Variants in NAV3 observed in about 807,000 individuals in gnomAD.
The protein encoded by NAV3 is neuron navigator 3, also known as pore membrane and/or filament interacting like protein 1.
In NAV3, 87 loss-of-function variants were observed where a neutral mutation model predicts 244.7. The observed-to-expected ratio is 0.36, with a 90% confidence interval of 0.30 to 0.42. NAV3 has a LOEUF of 0.42. Among genes scored for constraint, NAV3 ranks in the 20% least tolerant of loss-of-function variants. The pLI, the probability that NAV3 is intolerant of heterozygous loss-of-function variation, is 1.00. For synonymous variants in NAV3, 1,126 were observed against 1,042.2 expected (o/e 1.08, Z -1.55); for missense variants, 2,663 against 2,893.3 (o/e 0.92, Z 1.83).
chr12:78,050,972 T>A lies in NAV3; in HGVS notation c.2341T>A (p.Tyr781Asn), dbSNP rs1255684194. ...CCACACAGACCCCTCGAGGTTCATGTATACCACGCCTCTCCGTCGAGCTGC... is the reference window on the plus strand; with the variant it reads ...CCACACAGACCCCTCGAGGTTCATGAATACCACGCCTCTCCGTCGAGCTGC... ...FIHTDPSRFM[Y>N]TTPLRRAAVS... Residue 781 changes from tyrosine (Y) to asparagine (N), a missense_variant, in exon 11 of 40, where the codon TAT becomes AAT. Coordinates refer to ENST00000397909, the MANE Select transcript of NAV3 (RefSeq NM_001024383.2). The A allele has an allele frequency of 1.9e-6, 3 of 1,614,128 alleles. No individual in the cohort carries two copies. Among genetic ancestry groups the A allele is most frequent in the Non-Finnish European group, 2.5e-6 (3 of 1,180,032 alleles).
intron 1 of NAV3, among the ~76,000 whole-genome samples, chr12:77,854,454 G>A (rs1312156308): frequency 6.6e-6 from 1 of 152,162 alleles, no homozygotes; most frequent in African/African-American, 2.4e-5. Flanking sequence ...AAAACTTGCT[G>A]ATCATTAGAA....
At chr12:77,804,993 C>T (rs1188056747) in intron 2 of NAV3, among the ~76,000 whole-genome samples, 7 of 152,026 alleles carry the variant, frequency 4.6e-5, no homozygotes, top group East Asian at 3.9e-4. Flanking sequence ...TGTATAGAAA[C>T]GCTTCTGATT....
rs994889286 is a variant in NAV3, at chr12:77,867,570, CCA to C, written c.243+35868_243+35869del. On this transcript the variant is annotated intron_variant, in intron 1 of 39. Transcript: ENST00000397909. ...AAGTAGCTGGGACTACAAGCGCCCG[CCA>C]CCACGCCCGGCTAATTTTTTTGCAT... Among the ~76,000 whole-genome samples, 240 of 152,212 alleles carry C rather than the reference CCA, an allele frequency of 1.6e-3. 1 individual carries two copies. The highest frequency in any genetic ancestry group is 5.5e-3 in the African/African-American group (228 of 41,538).
intron 20 of NAV3, among the ~76,000 whole-genome samples, chr12:78,145,809 C>A (rs1460854674): frequency 3.3e-5 from 5 of 152,046 alleles, no homozygotes; most frequent in African/African-American, 9.7e-5. Context: ...TATTAATAAT[C>A]ATTAAAGAAA....
At chr12:77,936,452 G>A (rs1198264010) in intron 1 of NAV3, among the ~76,000 whole-genome samples, 1 of 152,082 alleles carries the variant, frequency 6.6e-6, no homozygotes, top group African/African-American at 2.4e-5. Context: ...CGTATTGGAA[G>A]CTTTAGCCAG....
intron 2 of NAV3, among the ~76,000 whole-genome samples, chr12:77,806,346 A>G (rs1304781323): frequency 1.3e-5 from 2 of 152,176 alleles, no homozygotes; most frequent in Non-Finnish European, 2.9e-5. Context: ...GCTATGTCCC[A>G]GAGATTCTAG....
chr12:78,135,298 A>T (rs545449998), intron 18 of NAV3, among the ~76,000 whole-genome samples: 4 of 152,310 alleles, frequency 2.6e-5, no homozygotes, highest in Admixed American at 2.0e-4. Flanking sequence ...CTAAAAGCAG[A>T]TCTGTCATAG....
At chr12:78,124,774 ATG>A (rs1325070470) in intron 16 of NAV3, among the ~76,000 whole-genome samples, 1 of 152,164 alleles carries the variant, frequency 6.6e-6, no homozygotes, top group Non-Finnish European at 1.5e-5. Context: ...AATTTTTAAA[ATG>A]GGAGTATTCC....
At chr12:77,836,851 G>A (rs1248043992) in intron 1 of NAV3, among the ~76,000 whole-genome samples, 1 of 152,140 alleles carries the variant, frequency 6.6e-6, no homozygotes. Context: ...TCAAAGAGTA[G>A]AGGCGTTTAT....
chr12:78,107,975 T>C (rs1954892519), intron 12 of NAV3, among the ~76,000 whole-genome samples: 1 of 152,146 alleles, frequency 6.6e-6, no homozygotes, highest in Admixed American at 6.5e-5. Flanking sequence ...GTAATCACTT[T>C]GAATGTAAAT....
At chr12:77,918,678 T>C (rs1052118430) in intron 1 of NAV3, among the ~76,000 whole-genome samples, 4 of 152,038 alleles carry the variant, frequency 2.6e-5, no homozygotes, top group African/African-American at 7.2e-5. Flanking sequence ...TGGTTTATGA[T>C]AGTCTCATTT....
chr12:78,073,710 C>A (rs1952898674), intron 12 of NAV3, among the ~76,000 whole-genome samples: 1 of 152,064 alleles, frequency 6.6e-6, no homozygotes, highest in East Asian at 1.9e-4. Flanking sequence ...CATATGGAAC[C>A]AAAAAAGAGC....
At chr12:77,887,971 G>A (rs1218977045) in intron 1 of NAV3, among the ~76,000 whole-genome samples, 1 of 150,808 alleles carries the variant, frequency 6.6e-6, no homozygotes, top group Non-Finnish European at 1.5e-5. Context: ...GGAATAGATC[G>A]AATGTTACAG....
intron 1 of NAV3, among the ~76,000 whole-genome samples, chr12:77,908,243 T>C (rs1378454136): frequency 1.3e-5 from 2 of 152,028 alleles, no homozygotes; most frequent in Non-Finnish European, 2.9e-5. Context: ...TATTGGAAAA[T>C]AAACATAAAT....
chr12:77,890,496 T>C (rs1487790521), intron 1 of NAV3, among the ~76,000 whole-genome samples: 5 of 152,160 alleles, frequency 3.3e-5, no homozygotes, highest in African/African-American at 7.2e-5. Context: ...TGTAAATGAA[T>C]TATGAAATAA....
intron 39 of NAV3, among the ~76,000 whole-genome samples, chr12:78,207,766 T>C (rs989106276): frequency 2.0e-5 from 3 of 152,192 alleles, no homozygotes; most frequent in African/African-American, 7.2e-5. Context: ...TTGTTTATCA[T>C]TGCAGGAAGT....
chr12:77,961,068 C>T (rs913688440), intron 3 of NAV3, among the ~76,000 whole-genome samples: 2 of 144,636 alleles, frequency 1.4e-5, no homozygotes, highest in Non-Finnish European at 3.0e-5. Context: ...CATGTATACG[C>T]ATATATGTAT....
intron 2 of NAV3, among the ~76,000 whole-genome samples, chr12:77,647,267 G>A (rs747176027): frequency 7.9e-5 from 12 of 152,108 alleles, no homozygotes; most frequent in Non-Finnish European, 1.6e-4. Context: ...GAAAAACATA[G>A]AGGAGTAACA....
At chr12:77,880,782 A>C (rs1882533219) in intron 1 of NAV3, among the ~76,000 whole-genome samples, 1 of 152,136 alleles carries the variant, frequency 6.6e-6, no homozygotes, top group Non-Finnish European at 1.5e-5. Flanking sequence ...CAGGTTTCTA[A>C]CATAAGAACG....
Sources: gnomAD v4.1 joint callset for allele counts (sites outside exome capture counted in the v4.1 genomes callset) on GRCh38, gnomAD v4.1.1 for gene constraint, MANE v1.5 for transcripts, NCBI Gene and HGNC (gene_info 2026-07-23, HGNC 2026-07-21) for gene names.